Variants in CA10 observed in about 807,000 individuals in gnomAD.
The protein encoded by CA10 is carbonic anhydrase-related protein 10.
Under a neutral mutation model 44.2 loss-of-function variants are expected in CA10, and 14 were observed. The observed-to-expected ratio is 0.32, with a 90% CI of 0.21 to 0.50. The LOEUF is 0.50. CA10 is among the 20% of genes least tolerant of loss of function. CA10 has a pLI of 0.99. For missense variants in CA10, 350 were observed against 409.7 expected, an observed-to-expected ratio of 0.85 and a Z score of 1.26; for synonymous variants, 159 against 141.6, an observed-to-expected ratio of 1.12 and a Z score of -0.87.
chr17:51,875,415 T>C (rs1980026043), intron 3 of CA10, among the ~76,000 whole-genome samples: 1 of 152,184 alleles, frequency 6.6e-6, no homozygotes, highest in Non-Finnish European at 1.5e-5. Context: ...CTTAACACTT[T>C]CAAGAGTCAA....
chr17:51,682,064 G>T (rs1914866460), intron 4 of CA10, among the ~76,000 whole-genome samples: 1 of 152,164 alleles, frequency 6.6e-6, no homozygotes, highest in Non-Finnish European at 1.5e-5. Context: ...TTCCCCTAAT[G>T]CCAGGCACTG....
chr17:51,820,409 C>G lies in CA10; in HGVS notation c.280-72591G>C, dbSNP rs369087714. 9.3e-3 allele frequency among the ~76,000 whole-genome samples: 795 copies of G among 85,464 alleles called. 76 individuals carry two copies. The highest frequency in any genetic ancestry group is 0.04 in the African/African-American group (738 of 18,282). 56.1% of individuals were successfully genotyped at this position (85,464 alleles called of 152,430 possible). ...TATAAACCTGGGGATTCCCCTACCC[C>G]CCCCCCCCCGCCCGCCGATTTTCCT... On this transcript the variant is annotated intron_variant, in intron 3 of 8. Coordinates refer to ENST00000451037, the MANE Select transcript of CA10 (RefSeq NM_020178.5).
intron 4 of CA10, among the ~76,000 whole-genome samples, chr17:51,695,511 A>G (rs180897842): frequency 6.6e-6 from 1 of 152,198 alleles, no homozygotes; most frequent in Non-Finnish European, 1.5e-5. Context: ...ATTTTTGTAC[A>G]TTGATTTTGT....
chr17:51,702,598 T>C (rs1567809395), intron 4 of CA10, among the ~76,000 whole-genome samples: 1 of 152,240 alleles, frequency 6.6e-6, no homozygotes. Flanking sequence ...CCTCTCCGCC[T>C]TTCTCTGCCT....
At chr17:51,961,829 C>T (rs1983903856) in intron 2 of CA10, among the ~76,000 whole-genome samples, 1 of 152,188 alleles carries the variant, frequency 6.6e-6, no homozygotes, top group South Asian at 2.1e-4. Context: ...TGCAGCGATG[C>T]CCTCTCTGCT....
intron 4 of CA10, among the ~76,000 whole-genome samples, chr17:51,740,057 A>G (rs1049722931): frequency 2.1e-5 from 3 of 145,480 alleles, no homozygotes; most frequent in African/African-American, 7.3e-5. Context: ...CTCTGTTAAT[A>G]TTGACAACTT....
rs58986835 is a variant in CA10 at position 51,986,013 on chromosome 17, T to C, written c.137-54881A>G. The stretch of plus-strand genomic sequence containing the variant: ...CTAGAAAAAACAATTCCCAAATTCA[T>C]AGGGAAGCAAAGAAGAGCCCACATA... On this transcript the variant is annotated intron_variant, in intron 2 of 8. Transcript: ENST00000451037. 4.9e-3 allele frequency among the ~76,000 whole-genome samples: 748 copies of C among 151,946 alleles called. 8 individuals carry two copies. Among genetic ancestry groups the C allele is most frequent in the African/African-American group, 0.017 (717 of 41,452 alleles).
At chr17:51,737,091 T>C (rs1162628731) in intron 4 of CA10, among the ~76,000 whole-genome samples, 1 of 152,174 alleles carries the variant, frequency 6.6e-6, no homozygotes, top group Non-Finnish European at 1.5e-5. Context: ...AGCTACTTAG[T>C]GGCAGAGCCA....
chr17:51,633,367 C>T (rs951799560), intron 8 of CA10, 109 bp downstream of exon 8: 4 of 1,067,870 alleles, frequency 3.7e-6, no homozygotes, highest in African/African-American at 3.2e-5. Context: ...TTGTCATTTA[C>T]AGTCATCATT....
At chr17:51,917,226 G>A (rs1000678387) in intron 3 of CA10, among the ~76,000 whole-genome samples, 1 of 152,216 alleles carries the variant, frequency 6.6e-6, no homozygotes, top group African/African-American at 2.4e-5. Context: ...GGCACCCAAT[G>A]TGGAGGTGGG....
At chr17:52,041,037 G>T (rs1986754055) in intron 2 of CA10, among the ~76,000 whole-genome samples, 1 of 152,044 alleles carries the variant, frequency 6.6e-6, no homozygotes, top group African/African-American at 2.4e-5. Flanking sequence ...GAAAGGGCAT[G>T]GTCTTGGTAG....
At chr17:52,067,386 G>A (rs1240993072) in intron 2 of CA10, among the ~76,000 whole-genome samples, 4 of 152,260 alleles carry the variant, frequency 2.6e-5, no homozygotes, top group Non-Finnish European at 5.9e-5. Context: ...TGAAGTTTAG[G>A]AACCTCTGCC....
intron 2 of CA10, among the ~76,000 whole-genome samples, chr17:52,064,488 CACCA>C (rs1403287357): frequency 2.0e-5 from 3 of 152,272 alleles, no homozygotes; most frequent in Non-Finnish European, 4.4e-5. Context: ...AAGTAACCCT[CACCA>C]ACCAGCCAGA....
chr17:51,815,519 G>T (rs989490603), intron 3 of CA10, among the ~76,000 whole-genome samples: 2 of 152,050 alleles, frequency 1.3e-5, no homozygotes, highest in African/African-American at 4.8e-5. Flanking sequence ...CCATGGATTG[G>T]TAGAGTCCTG....
chr17:51,822,528 T>C (rs181145298), intron 3 of CA10, among the ~76,000 whole-genome samples: 16 of 152,340 alleles, frequency 1.1e-4, no homozygotes, highest in African/African-American at 3.8e-4. Flanking sequence ...TTATTACTAC[T>C]CTCCTGCTTA....
At chr17:51,871,042 CCACTTT>C (rs1438794512) in intron 3 of CA10, among the ~76,000 whole-genome samples, 1 of 149,598 alleles carries the variant, frequency 6.7e-6, no homozygotes, top group Non-Finnish European at 1.5e-5. Context: ...TACTTTCTTC[CCACTTT>C]ACTTTTTTTT....
chr17:51,877,963 T>C (rs1231260067), intron 3 of CA10, among the ~76,000 whole-genome samples: 2 of 151,308 alleles, frequency 1.3e-5, no homozygotes, highest in Middle Eastern at 3.4e-3. Context: ...GCTAACATGG[T>C]GAAACCCCAA....
intron 2 of CA10, among the ~76,000 whole-genome samples, chr17:51,964,064 A>C (rs1400935176): frequency 1.3e-5 from 2 of 152,152 alleles, no homozygotes; most frequent in African/African-American, 4.8e-5. Context: ...AAAGGGCTGG[A>C]GAAGGTTCTA....
intron 3 of CA10, among the ~76,000 whole-genome samples, chr17:51,890,983 A>G (rs1394023237): frequency 6.6e-6 from 1 of 152,216 alleles, no homozygotes; most frequent in Admixed American, 6.5e-5. Flanking sequence ...CCAGATTTTT[A>G]TAAGTAGGTC....
Sources: gnomAD v4.1 joint callset for allele counts (sites outside exome capture counted in the v4.1 genomes callset) on GRCh38, gnomAD v4.1.1 for gene constraint, MANE v1.5 for transcripts, NCBI Gene and HGNC (gene_info 2026-07-23, HGNC 2026-07-21) for gene names.